Variants in NCKAP5 observed in about 807,000 individuals in gnomAD.
The protein encoded by NCKAP5 is nck-associated protein 5.
A neutral mutation model predicts 167.0 loss-of-function variants in NCKAP5; 92 were observed. That is an observed-to-expected ratio of 0.55 (90% CI 0.47 to 0.66). NCKAP5 has a LOEUF of 0.66. Among genes scored for constraint, NCKAP5 ranks in the 30% least tolerant of loss-of-function variants. The pLI is 0.00. For synonymous variants in NCKAP5, 891 were observed against 877.4 expected, an observed-to-expected ratio of 1.02 and a Z score of -0.27; for missense variants, 2,378 against 2,315.0, an observed-to-expected ratio of 1.03 and a Z score of -0.56.
chr2:133,420,873 T>C (rs1281008435), intron 3 of NCKAP5, among the ~76,000 whole-genome samples: 2 of 152,186 alleles, frequency 1.3e-5, no homozygotes, highest in African/African-American at 4.8e-5. Flanking sequence ...ACAGCCTGCC[T>C]CGCCCCACTG....
chr2:133,007,068 C>G (rs1262298276), intron 6 of NCKAP5, among the ~76,000 whole-genome samples: 1 of 152,090 alleles, frequency 6.6e-6, no homozygotes, highest in Non-Finnish European at 1.5e-5. Context: ...CTCTTGGGGC[C>G]ATAATATGGT....
chr2:132,745,192 G>A lies in NCKAP5; in HGVS notation c.5129-13141C>T, dbSNP rs116583092. Among the ~76,000 whole-genome samples the A allele has an allele frequency of 5.9e-3, 891 of 151,808 alleles. 4 individuals carry two copies. The highest frequency in any genetic ancestry group is 0.037 in the Middle Eastern group (11 of 294). On this transcript the variant is annotated intron_variant, in intron 16 of 19. Coordinates refer to ENST00000409261, the MANE Select transcript of NCKAP5 (RefSeq NM_207363.3). Reference sequence around the variant, plus strand: ...GAGATCAATATAACTCATGAAAATGGATGCAAGAATGTTTAATAATTGATT... The same window carrying A: ...GAGATCAATATAACTCATGAAAATGAATGCAAGAATGTTTAATAATTGATT...
intron 3 of NCKAP5, among the ~76,000 whole-genome samples, chr2:133,326,898 A>G (rs1231240841): frequency 1.3e-5 from 2 of 152,182 alleles, no homozygotes; most frequent in Non-Finnish European, 2.9e-5. Context: ...GACCAACTGA[A>G]TCAGAATCTG....
intron 3 of NCKAP5, among the ~76,000 whole-genome samples, chr2:133,423,812 A>C (rs1384917430): frequency 6.6e-6 from 1 of 152,244 alleles, no homozygotes; most frequent in African/African-American, 2.4e-5. Context: ...AGAAACTTCA[A>C]CTTTCAAAAG....
intron 3 of NCKAP5, among the ~76,000 whole-genome samples, chr2:133,470,540 C>T (rs1413599865): frequency 6.6e-6 from 1 of 152,220 alleles, no homozygotes; most frequent in Non-Finnish European, 1.5e-5. Flanking sequence ...GGGCTCCACC[C>T]AGTTCGAGCT....
the NCKAP5 span, among the ~76,000 whole-genome samples, chr2:133,642,488 A>T: frequency 3.9e-5 from 6 of 152,232 alleles, no homozygotes; most frequent in Admixed American, 2.0e-4. Flanking sequence ...AACAATTCAC[A>T]GAAGAGTATG....
At chr2:132,933,052 G>A (rs1161995047) in intron 8 of NCKAP5, among the ~76,000 whole-genome samples, 2 of 151,572 alleles carry the variant, frequency 1.3e-5, no homozygotes, top group Non-Finnish European at 2.9e-5. Context: ...AGCCTCCCGA[G>A]CAGCTGGGAC....
At chr2:132,838,954 A>T (rs968089551) in intron 11 of NCKAP5, among the ~76,000 whole-genome samples, 2 of 152,188 alleles carry the variant, frequency 1.3e-5, no homozygotes, top group Non-Finnish European at 2.9e-5. Flanking sequence ...CCTTTTCCTG[A>T]ATACTAGTGA....
intron 18 of NCKAP5, among the ~76,000 whole-genome samples, chr2:132,727,233 C>T (rs1310417051): frequency 2.0e-5 from 3 of 151,986 alleles, no homozygotes; most frequent in Admixed American, 1.3e-4. Flanking sequence ...TTCCTTTTTA[C>T]GTTCTTGGAA....
At chr2:132,961,183 A>G (rs2076500494) in intron 8 of NCKAP5, among the ~76,000 whole-genome samples, 1 of 152,110 alleles carries the variant, frequency 6.6e-6, no homozygotes, top group Admixed American at 6.6e-5. Flanking sequence ...CTATTTTCCT[A>G]CAATAATGTT....
chr2:133,498,485 AGGCAGGC>A (rs1559529072), intron 3 of NCKAP5, among the ~76,000 whole-genome samples: 42 of 122,382 alleles, frequency 3.4e-4, no homozygotes, highest in African/African-American at 1.4e-3. Context: ...GAAGGAAGGC[AGGCAGGC>A]AGGCAGGCAG....
intron 6 of NCKAP5, among the ~76,000 whole-genome samples, chr2:133,016,923 A>C (rs1190894209): frequency 6.6e-6 from 1 of 152,264 alleles, no homozygotes; most frequent in Non-Finnish European, 1.5e-5. Context: ...TGAGACACAT[A>C]ACAAATTTAT....
intron 8 of NCKAP5, among the ~76,000 whole-genome samples, chr2:132,920,701 A>C (rs1403569075): frequency 8.8e-6 from 1 of 113,710 alleles, no homozygotes; most frequent in Non-Finnish European, 1.7e-5. Flanking sequence ...ATATATATAT[A>C]CGTATATGTA....
chr2:132,760,234 C>G lies in NCKAP5; in HGVS notation c.5128+13582G>C, dbSNP rs558824880. On this transcript the variant is annotated intron_variant, in intron 16 of 19. Transcript: ENST00000409261. ...CATTTCAGATCTTCCTGAGATCATT[C>G]TTCTCCTGTCTGATGTAAACTCTCT... Among the ~76,000 whole-genome samples the G allele has an allele frequency of 2.6e-5, 4 of 152,246 alleles. No individual in the cohort carries two copies. In the South Asian group the frequency reaches 8.3e-4, roughly 32 times the overall value.
At chr2:132,719,645 G>A (rs1689720097) in intron 19 of NCKAP5, among the ~76,000 whole-genome samples, 1 of 152,234 alleles carries the variant, frequency 6.6e-6, no homozygotes, top group Non-Finnish European at 1.5e-5. Flanking sequence ...GGGACAAAGG[G>A]AGGCAGCAGG....
At chr2:133,183,474 A>T (rs2084817910) in intron 5 of NCKAP5, among the ~76,000 whole-genome samples, 1 of 152,182 alleles carries the variant, frequency 6.6e-6, no homozygotes, top group Non-Finnish European at 1.5e-5. Context: ...AGTCTAAAAA[A>T]ATCAACATCA....
Position 132,731,875 on chromosome 2 carries a change from G to C in NCKAP5, c.5305C>G (p.Leu1769Val). 6.2e-7 allele frequency: 1 copy of C among 1,613,942 alleles called. No individual in the cohort carries two copies. Among genetic ancestry groups the C allele is most frequent in the Non-Finnish European group, 8.5e-7 (1 of 1,179,884 alleles). Residue 1769 changes from leucine (L) to valine (V), a missense_variant, in exon 17 of 20, where the codon CTT (leucine) becomes GTT (valine). Leu to Val is a conservative substitution (Grantham distance 32, BLOSUM62 1). This residue lies in a region of NCKAP5 where 1,325 missense variants were observed against 1,274.5 expected (regional missense o/e 1.04). Coordinates refer to ENST00000409261, the MANE Select transcript of NCKAP5 (RefSeq NM_207363.3). ...SAVSSMRAQT[L>V]EREVPSSTDG... ...GTGGAGGAAGGCACTTCACGTTCAA[G>C]GGTTTGGGCTCTCATGGAAGAAACT...
intron 2 of NCKAP5, among the ~76,000 whole-genome samples, chr2:133,532,173 C>A (rs1685419907): frequency 6.6e-6 from 1 of 152,192 alleles, no homozygotes; most frequent in Admixed American, 6.5e-5. Context: ...TAAGAGAATT[C>A]TAGTTTATTT....
chr2:133,565,997 A>C (rs1268117705), intron 1 of NCKAP5, among the ~76,000 whole-genome samples: 1 of 152,204 alleles, frequency 6.6e-6, no homozygotes, highest in Non-Finnish European at 1.5e-5. Context: ...CCAGGGCAAA[A>C]AATGGCACAA....
Sources: gnomAD v4.1 joint callset for allele counts (sites outside exome capture counted in the v4.1 genomes callset) on GRCh38, gnomAD v4.1.1 for gene constraint, gnomAD v4.1.1 regional missense constraint, MANE v1.5 for transcripts, NCBI Gene and HGNC (gene_info 2026-07-23, HGNC 2026-07-21) for gene names.